LAMA2: variants seen among roughly 807,000 people sequenced by gnomAD.
The protein encoded by LAMA2 is laminin subunit alpha-2.
In LAMA2, 269 loss-of-function variants were observed where a neutral mutation model predicts 364.8. That is an observed-to-expected ratio of 0.74 (90% CI 0.67 to 0.82). LAMA2 has a LOEUF of 0.82. Among genes scored for constraint, LAMA2 ranks in the 40% least tolerant of loss-of-function variants. The pLI is 0.00. For missense variants in LAMA2, 3,807 were observed against 3,873.2 expected, an observed-to-expected ratio of 0.98 and a Z score of 0.45; for synonymous variants, 1,379 against 1,370.6, an observed-to-expected ratio of 1.01 and a Z score of -0.14.
At chr6:129,093,649 C>T (rs560317260) in intron 3 of LAMA2, among the ~76,000 whole-genome samples, 17 of 152,254 alleles carry the variant, frequency 1.1e-4, no homozygotes, top group Non-Finnish European at 1.9e-4. Flanking sequence ...TAATACTCTT[C>T]TTATTATAGG....
At chr6:129,109,312 A>G (rs1776007724) in intron 4 of LAMA2, among the ~76,000 whole-genome samples, 1 of 152,154 alleles carries the variant, frequency 6.6e-6, no homozygotes, top group Non-Finnish European at 1.5e-5. Context: ...AAAGTACTGC[A>G]GAACTTCTCA....
At chr6:129,183,633 G>C (rs1781058586) in intron 10 of LAMA2, among the ~76,000 whole-genome samples, 1 of 151,802 alleles carries the variant, frequency 6.6e-6, no homozygotes, top group Non-Finnish European at 1.5e-5. Flanking sequence ...GATTTCTTGG[G>C]ATACCTCATT....
intron 7 of LAMA2, among the ~76,000 whole-genome samples, chr6:129,149,918 T>G (rs12664291): frequency 2.0e-5 from 3 of 152,156 alleles, no homozygotes; most frequent in Non-Finnish European, 4.4e-5. Context: ...ATGCAAGTAC[T>G]ATGCCACTGT....
intron 51 of LAMA2, among the ~76,000 whole-genome samples, chr6:129,468,213 G>A (rs536865190): frequency 3.3e-5 from 5 of 151,750 alleles, no homozygotes; most frequent in East Asian, 1.9e-4. Flanking sequence ...TGGTATCACC[G>A]TTAAAAAGAA....
chr6:128,959,519 C>G (rs953422880), intron 1 of LAMA2, among the ~76,000 whole-genome samples: 1 of 152,114 alleles, frequency 6.6e-6, no homozygotes, highest in Non-Finnish European at 1.5e-5. Context: ...GTCTTTACAT[C>G]CCTTGAGGAC....
chr6:129,391,037 G>A (rs1779287894), intron 35 of LAMA2, among the ~76,000 whole-genome samples: 1 of 152,034 alleles, frequency 6.6e-6, no homozygotes, highest in South Asian at 2.1e-4. Flanking sequence ...AAATACAAGG[G>A]CAGGTTCATT....
chr6:129,501,109 T>C (rs1009791527), intron 58 of LAMA2, among the ~76,000 whole-genome samples: 1 of 152,176 alleles, frequency 6.6e-6, no homozygotes, highest in Non-Finnish European at 1.5e-5. Context: ...GCTGCGTGTG[T>C]TTATCGAGAC....
At chr6:128,949,316 A>G (rs1780666355) in intron 1 of LAMA2, among the ~76,000 whole-genome samples, 1 of 152,082 alleles carries the variant, frequency 6.6e-6, no homozygotes, top group Non-Finnish European at 1.5e-5. Flanking sequence ...CAAATAATAC[A>G]GCCACCCACC....
chr6:128,898,746 T>A (rs1397693812), intron 1 of LAMA2, among the ~76,000 whole-genome samples: 1 of 152,264 alleles, frequency 6.6e-6, no homozygotes, highest in Non-Finnish European at 1.5e-5. Flanking sequence ...ATTTCTATTA[T>A]AAGAATAAAT....
chr6:129,249,304 A>C lies in LAMA2; in HGVS notation c.1783-808A>C, dbSNP rs368196552. ...ACAGTGCTGGAGTGGAATTTTAAAA[A>C]AAGGATTGCAGCATTTGCATTGAAT... is the stretch of plus-strand genomic sequence containing the variant. On this transcript the variant is annotated intron_variant, in intron 12 of 64. Coordinates refer to ENST00000421865, the MANE Select transcript of LAMA2 (RefSeq NM_000426.4). Among the ~76,000 whole-genome samples, 12 of 152,312 alleles carry C rather than the reference A, an allele frequency of 7.9e-5. No homozygotes were observed. The South Asian group carries it at 2.5e-3, about 32-fold the overall frequency.
intron 34 of LAMA2, among the ~76,000 whole-genome samples, chr6:129,371,700 G>A (rs943173361): frequency 6.0e-5 from 9 of 149,752 alleles, no homozygotes; most frequent in Admixed American, 4.7e-4. Context: ...TCCGCCTCCC[G>A]GGTTCAAGTG....
intron 1 of LAMA2, among the ~76,000 whole-genome samples, chr6:128,906,673 C>A (rs1348910392): frequency 6.6e-6 from 1 of 152,056 alleles, no homozygotes; most frequent in East Asian, 1.9e-4. Flanking sequence ...GCTTTTGTTG[C>A]CATTGCTTTT....
intron 6 of LAMA2, 26 bp from the exon 7 acceptor site, chr6:129,148,953 T>C (rs776063665): frequency 5.5e-5 from 82 of 1,486,412 alleles, no homozygotes; most frequent in Non-Finnish European, 7.5e-5. Flanking sequence ...GGCTAAAATT[T>C]GTGCTTCCTC....
intron 1 of LAMA2, among the ~76,000 whole-genome samples, chr6:128,906,696 A>T (rs1465341593): frequency 1.3e-5 from 2 of 152,136 alleles, no homozygotes; most frequent in Non-Finnish European, 2.9e-5. Context: ...TGTTTTAGAC[A>T]TGAAGTCCTT....
intron 60 of LAMA2, among the ~76,000 whole-genome samples, chr6:129,504,660 A>G (rs564281860): frequency 2.6e-5 from 4 of 152,230 alleles, no homozygotes; most frequent in East Asian, 3.9e-4. Context: ...TCACTTCTCT[A>G]TCTTACTCCC....
intron 55 of LAMA2, among the ~76,000 whole-genome samples, chr6:129,485,601 T>C (rs1262714360): frequency 6.6e-6 from 1 of 152,240 alleles, no homozygotes; most frequent in African/African-American, 2.4e-5. Context: ...GGGTTTGATA[T>C]GGCAAACCAT....
rs1785674098 is a variant in LAMA2 at position 129,245,292 on chromosome 6, A to G, written c.1783-4820A>G. Among the ~76,000 whole-genome samples the G allele has an allele frequency of 2.6e-5, 4 of 152,166 alleles. No homozygotes were observed. In the South Asian group the frequency reaches 8.3e-4, roughly 31 times the overall value. ...AATATAGTCGAATCCATCCAGTAAT[A>G]TAAGAATTGCCTCAAAGTGAACTAA... On this transcript the variant is annotated intron_variant, in intron 12 of 64. Transcript: ENST00000421865.
chr6:128,982,324 G>A (rs1459436873), intron 1 of LAMA2, among the ~76,000 whole-genome samples: 1 of 152,104 alleles, frequency 6.6e-6, no homozygotes, highest in Non-Finnish European at 1.5e-5. Flanking sequence ...CATACCTACT[G>A]TGTATCTATA....
intron 58 of LAMA2, among the ~76,000 whole-genome samples, chr6:129,495,764 T>C (rs1472931390): frequency 6.6e-6 from 1 of 152,176 alleles, no homozygotes; most frequent in Non-Finnish European, 1.5e-5. Context: ...AGATCACACT[T>C]TTTCCTTTTT....
Sources: allele counts gnomAD v4.1 joint callset (sites outside exome capture counted in the v4.1 genomes callset), GRCh38; gene constraint gnomAD v4.1.1; transcripts MANE v1.5; gene names NCBI Gene and HGNC (gene_info 2026-07-23, HGNC 2026-07-21).